Variants in SECISBP2L observed in about 807,000 individuals in gnomAD.
SECISBP2L encodes the protein SECIS binding protein 2 like.
Under a neutral mutation model 114.7 loss-of-function variants are expected in SECISBP2L, and 43 were observed. That is an observed-to-expected ratio of 0.38 (90% CI 0.29 to 0.48). The LOEUF (loss-of-function observed/expected upper bound fraction) is 0.48, where lower values mean the gene tolerates loss of function less well. Among genes scored for constraint, SECISBP2L ranks in the 20% least tolerant of loss-of-function variants. The pLI, the probability that SECISBP2L is intolerant of heterozygous loss-of-function variation, is 0.98. For synonymous variants in SECISBP2L, 451 were observed against 439.7 expected, an observed-to-expected ratio of 1.03 and a Z score of -0.32; for missense variants, 1,136 against 1,301.1, an observed-to-expected ratio of 0.87 and a Z score of 1.95.
intron 7 of SECISBP2L, among the ~76,000 whole-genome samples, chr15:49,025,783 T>A (rs1902729255): frequency 6.6e-6 from 1 of 152,146 alleles, no homozygotes; most frequent in African/African-American, 2.4e-5. Flanking sequence ...CACATTGATC[T>A]TGGGAATGTA....
intron 4 of SECISBP2L, 77 bp downstream of exon 4, chr15:49,032,888 T>G: frequency 6.5e-7 from 1 of 1,545,586 alleles, no homozygotes; most frequent in Non-Finnish European, 8.8e-7. Context: ...TGACAAGTGG[T>G]TCAGACCACA....
At chr15:49,024,637 C>T (rs537010610) in intron 7 of SECISBP2L, among the ~76,000 whole-genome samples, 9 of 151,794 alleles carry the variant, frequency 5.9e-5, no homozygotes, top group Admixed American at 2.6e-4. Context: ...GATAAAAATG[C>T]CCTGAAATAT....
intron 4 of SECISBP2L, among the ~76,000 whole-genome samples, chr15:49,031,042 T>TC (rs1902874639): frequency 8.3e-6 from 1 of 121,158 alleles, no homozygotes; most frequent in South Asian, 3.1e-4. Context: ...ATTTTCTTTT[T>TC]TTTTTTTTTT....
rs1356008617 is a variant in SECISBP2L at position 48,989,068 on chromosome 15, T to G, written c.*3176A>C. 6.5e-6 allele frequency: 1 copy of G among 152,696 alleles called. No individual in the cohort carries two copies. Among genetic ancestry groups the G allele is most frequent in the Non-Finnish European group, 1.5e-5 (1 of 68,264 alleles). 9.5% of individuals were successfully genotyped at this position (152,696 alleles called of 1,614,324 possible). The stretch of plus-strand genomic sequence containing the variant: ...TTTTAAATCAAAAAAAGATAAAAAT[T>G]TTTAAATGAGTTGATGTTCTAACCT... On this transcript the variant is annotated 3_prime_UTR_variant, in exon 18 of 18. Transcript: ENST00000559471.
At chr15:48,998,210 T>C (rs1377459076) in intron 16 of SECISBP2L, among the ~76,000 whole-genome samples, 2 of 152,228 alleles carry the variant, frequency 1.3e-5, no homozygotes, top group African/African-American at 4.8e-5. Context: ...TGAAGATTCA[T>C]CTCAAGAGGG....
chr15:48,999,029 ATGC>A (rs1321070971), intron 16 of SECISBP2L, among the ~76,000 whole-genome samples: 8 of 152,246 alleles, frequency 5.3e-5, no homozygotes, highest in Non-Finnish European at 1.0e-4. Flanking sequence ...GCAGTGTGCT[ATGC>A]TAAACGTGAC....
At chr15:49,045,055 T>C (rs1903213867) in intron 1 of SECISBP2L, among the ~76,000 whole-genome samples, 3 of 152,348 alleles carry the variant, frequency 2.0e-5, no homozygotes, top group South Asian at 4.1e-4. Flanking sequence ...ACAGAATACT[T>C]CTGGGTCACA....
chr15:49,045,001 T>G (rs1903213113), intron 1 of SECISBP2L, among the ~76,000 whole-genome samples: 1 of 152,194 alleles, frequency 6.6e-6, no homozygotes, highest in Admixed American at 6.5e-5. Flanking sequence ...TTATGATAGA[T>G]ACCTTCAAAA....
intron 1 of SECISBP2L, among the ~76,000 whole-genome samples, chr15:49,040,023 A>G (rs955489766): frequency 1.3e-5 from 2 of 152,180 alleles, no homozygotes; most frequent in African/African-American, 4.8e-5. Context: ...CCCCCAAAAC[A>G]TATCAACTCA....
At position 49,046,381 on chromosome 15, in the gene SECISBP2L, T is replaced by A; in HGVS notation, c.-82A>T. On this transcript the variant is annotated 5_prime_UTR_variant, in exon 1 of 18. Coordinates refer to ENST00000559471, the MANE Select transcript of SECISBP2L (RefSeq NM_001193489.2). ...CTTTCTCCATGGCCCCCCGCTCGGG[T>A]CCAGACTGGGTTCCGGACCTCCGCC... 2.2e-6 allele frequency: 3 copies of A among 1,367,736 alleles called. No homozygotes were observed. In the South Asian group the frequency reaches 4.9e-5, roughly 22 times the overall value. The allele number at this position is 1,367,736 out of a possible 1,614,324, so 84.7% of individuals were successfully genotyped here. A position where few individuals can be genotyped will look rare whatever the true frequency, so the allele number is the denominator to read the frequency against.
At chr15:49,013,022 A>C in intron 11 of SECISBP2L, 1 of 524,132 alleles carries the variant, frequency 1.9e-6, no homozygotes, top group Non-Finnish European at 3.3e-6. Flanking sequence ...CAATTAACCA[A>C]TTTAGAAGTC....
At chr15:49,040,101 C>G (rs1903092773) in intron 1 of SECISBP2L, among the ~76,000 whole-genome samples, 1 of 152,022 alleles carries the variant, frequency 6.6e-6, no homozygotes, top group African/African-American at 2.4e-5. Context: ...ATTTTTACAC[C>G]CCACTTCATT....
At chr15:49,033,377 T>G (rs1566862047) in intron 3 of SECISBP2L, among the ~76,000 whole-genome samples, 1 of 152,200 alleles carries the variant, frequency 6.6e-6, no homozygotes, top group Non-Finnish European at 1.5e-5. Flanking sequence ...TAACTGCTAA[T>G]TTTCTCAGTC....
intron 1 of SECISBP2L, among the ~76,000 whole-genome samples, chr15:49,040,225 G>A (rs1156402822): frequency 6.6e-6 from 1 of 152,150 alleles, no homozygotes; most frequent in African/African-American, 2.4e-5. Context: ...ATTAAAGTTT[G>A]TATTGGTTTC....
chr15:49,034,669 G>GTTTTTTTTTTTTTTTT (rs58267682), intron 3 of SECISBP2L, among the ~76,000 whole-genome samples: 2 of 132,136 alleles, frequency 1.5e-5, no homozygotes, highest in African/African-American at 2.8e-5. Flanking sequence ...TATATCTTTT[G>GTTTTTTTTTTTTTTTT]TTTTTTTTTT....
intron 7 of SECISBP2L, among the ~76,000 whole-genome samples, chr15:49,024,354 CA>C (rs1265081948): frequency 6.6e-6 from 1 of 151,764 alleles, no homozygotes; most frequent in Admixed American, 6.6e-5. Context: ...AAATTACCCA[CA>C]TGTGGTGGCG....
chr15:49,006,758 G>A (rs1902331866), intron 14 of SECISBP2L, among the ~76,000 whole-genome samples: 1 of 152,042 alleles, frequency 6.6e-6, no homozygotes, highest in Non-Finnish European at 1.5e-5. Context: ...TAGCTCGGAG[G>A]AGTTTGTTAT....
At chr15:48,998,976 A>G (rs530477377) in intron 16 of SECISBP2L, among the ~76,000 whole-genome samples, 13 of 152,358 alleles carry the variant, frequency 8.5e-5, no homozygotes, top group African/African-American at 2.9e-4. Flanking sequence ...TCACCAAGGA[A>G]TTCACAGTTA....
In SECISBP2L at chr15:48,989,298, C is replaced by T. The variant is rs1901922721; in HGVS notation, c.*2946G>A. 1 of 152,390 alleles carries T rather than the reference C, an allele frequency of 6.6e-6. No individual in the cohort carries two copies. The highest frequency in any genetic ancestry group is 2.4e-5 in the African/African-American group (1 of 41,390). 9.4% of individuals were successfully genotyped at this position (152,390 alleles called of 1,614,324 possible). On this transcript the variant is annotated 3_prime_UTR_variant, in exon 18 of 18. Coordinates refer to ENST00000559471, the MANE Select transcript of SECISBP2L (RefSeq NM_001193489.2). ...CAATTCCCACCCCTCCCTCCTCCCCCAGCTTATTTAGAAATCAGACAAGTA... is the reference window on the plus strand; with the variant it reads ...CAATTCCCACCCCTCCCTCCTCCCCTAGCTTATTTAGAAATCAGACAAGTA...
Sources: allele counts gnomAD v4.1 joint callset (sites outside exome capture counted in the v4.1 genomes callset), GRCh38; gene constraint gnomAD v4.1.1; transcripts MANE v1.5; gene names NCBI Gene and HGNC (gene_info 2026-07-23, HGNC 2026-07-21).